L3MBTL4: variants seen among roughly 807,000 people sequenced by gnomAD.
The protein encoded by L3MBTL4 is lethal(3)malignant brain tumor-like protein 4.
In L3MBTL4, 70 loss-of-function variants were observed where a neutral mutation model predicts 84.5. The ratio of observed to expected loss-of-function variants is 0.83; its 90% CI spans 0.68 to 1.01. The LOEUF is 1.01. L3MBTL4 is among the 50% of genes least tolerant of loss of function. The pLI is 0.00. For missense variants in L3MBTL4, 715 were observed against 754.8 expected, an observed-to-expected ratio of 0.95 and a Z score of 0.62; for synonymous variants, 274 against 259.8, an observed-to-expected ratio of 1.05 and a Z score of -0.52.
intron 1 of L3MBTL4, among the ~76,000 whole-genome samples, chr18:6,319,176 T>C (rs2051275180): frequency 6.6e-6 from 1 of 152,052 alleles, no homozygotes; most frequent in South Asian, 2.1e-4. Context: ...TAAGAAAGTC[T>C]GAAAGTTCAC....
intron 14 of L3MBTL4, among the ~76,000 whole-genome samples, chr18:6,100,934 G>A (rs1368064229): frequency 1.3e-5 from 2 of 152,228 alleles, no homozygotes; most frequent in African/African-American, 4.8e-5. Context: ...GCTGGGGGCA[G>A]GCTGTAACCA....
chr18:6,048,230 T>C (rs1208072242), intron 16 of L3MBTL4, among the ~76,000 whole-genome samples: 2 of 152,134 alleles, frequency 1.3e-5, no homozygotes, highest in Non-Finnish European at 2.9e-5. Flanking sequence ...AAGGAAATCA[T>C]ACATGATATA....
chr18:6,028,581 T>C (rs1179243129), intron 16 of L3MBTL4, among the ~76,000 whole-genome samples: 3 of 152,204 alleles, frequency 2.0e-5, no homozygotes, highest in African/African-American at 7.2e-5. Context: ...AGAAAGTCAA[T>C]GGTAGCTTAA....
intron 14 of L3MBTL4, among the ~76,000 whole-genome samples, chr18:6,095,478 G>A (rs2058608382): frequency 6.6e-6 from 1 of 151,220 alleles, no homozygotes; most frequent in South Asian, 2.1e-4. Flanking sequence ...AGCCTCCCAA[G>A]TAGCTGGGAC....
chr18:6,073,161 C>CAG (rs371806337), intron 16 of L3MBTL4, among the ~76,000 whole-genome samples: 3 of 148,460 alleles, frequency 2.0e-5, no homozygotes, highest in African/African-American at 4.9e-5. Flanking sequence ...GAGGCAAAAA[C>CAG]AGAGAGAGAG....
At chr18:6,226,252 C>T (rs1425345034) in intron 10 of L3MBTL4, among the ~76,000 whole-genome samples, 1 of 151,804 alleles carries the variant, frequency 6.6e-6, no homozygotes, top group Middle Eastern at 3.4e-3. Flanking sequence ...ACTAAAAGTA[C>T]AAAAATAGCT....
intron 16 of L3MBTL4, among the ~76,000 whole-genome samples, chr18:6,014,664 T>TG (rs756077942): frequency 2.6e-5 from 4 of 151,556 alleles, no homozygotes; most frequent in African/African-American, 4.9e-5. Context: ...GAGCTCAGAG[T>TG]GGGGCAGGAA....
chr18:6,315,273 G>T (rs2146982268), intron 1 of L3MBTL4, among the ~76,000 whole-genome samples: 1 of 152,244 alleles, frequency 6.6e-6, no homozygotes, highest in East Asian at 1.9e-4. Flanking sequence ...GATACTGCCA[G>T]CCTAGAATTT....
chr18:6,330,428 C>T (rs557694550), intron 1 of L3MBTL4, among the ~76,000 whole-genome samples: 1 of 152,246 alleles, frequency 6.6e-6, no homozygotes, highest in Non-Finnish European at 1.5e-5. Flanking sequence ...TTCCTTGGCT[C>T]GTGACCCCTT....
chr18:6,011,791 C>T (rs1379250475), intron 16 of L3MBTL4, among the ~76,000 whole-genome samples: 1 of 152,144 alleles, frequency 6.6e-6, no homozygotes, highest in East Asian at 1.9e-4. Context: ...AGGACAGAGG[C>T]CTGTTTCCCC....
intron 14 of L3MBTL4, among the ~76,000 whole-genome samples, chr18:6,134,260 A>AAC (rs1357633594): frequency 6.6e-6 from 1 of 152,142 alleles, no homozygotes; most frequent in Admixed American, 6.5e-5. Flanking sequence ...TCCTTCCCAC[A>AAC]ACACTCGGGA....
At chr18:6,166,267 C>G (rs2043650599) in intron 13 of L3MBTL4, among the ~76,000 whole-genome samples, 1 of 152,118 alleles carries the variant, frequency 6.6e-6, no homozygotes, top group African/African-American at 2.4e-5. Flanking sequence ...TTAGACAGAT[C>G]AATGAGACAG....
chr18:6,246,093 T>C (rs2047654062), intron 5 of L3MBTL4, among the ~76,000 whole-genome samples: 1 of 152,232 alleles, frequency 6.6e-6, no homozygotes, highest in African/African-American at 2.4e-5. Context: ...TACATACTTG[T>C]AGGTCTTATT....
Position 5,960,122 on chromosome 18 carries a change from T to A in L3MBTL4, c.1649A>T (p.Glu550Val). The change falls in exon 18 of 19, where the codon GAA (glutamate) becomes GTA (valine). Residue 550 changes from glutamate to valine, a missense_variant. Glu to Val is a moderately radical substitution (Grantham distance 121). Coordinates refer to ENST00000317931, the MANE Select transcript of L3MBTL4 (RefSeq NM_001330559.2). Reference sequence around the variant, plus strand: ...TTTCTTAAAGCACTTGGCATGCTCTTCACAGCCCAGAAGAGACTGTACAAA... The same window carrying A: ...TTTCTTAAAGCACTTGGCATGCTCTACACAGCCCAGAAGAGACTGTACAAA... Reference protein sequence around the residue: ...AEFVQSLLGCEEHAKCFKKEQ... With the variant: ...AEFVQSLLGCVEHAKCFKKEQ... 6.3e-7 allele frequency: 1 copy of A among 1,583,538 alleles called. No homozygotes were observed. The highest frequency in any genetic ancestry group is 1.3e-5 in the African/African-American group (1 of 74,326).
chr18:6,019,563 T>C (rs1440640109), intron 16 of L3MBTL4, among the ~76,000 whole-genome samples: 1 of 152,246 alleles, frequency 6.6e-6, no homozygotes. Flanking sequence ...AAATAGCTAC[T>C]ATCTACTGAG....
chr18:6,242,466 C>T (rs969645632), intron 7 of L3MBTL4, among the ~76,000 whole-genome samples: 1 of 152,158 alleles, frequency 6.6e-6, no homozygotes, highest in Non-Finnish European at 1.5e-5. Context: ...GCCCTCAGTG[C>T]CTCACGTGGT....
intron 16 of L3MBTL4, among the ~76,000 whole-genome samples, chr18:6,003,085 A>AACC (rs1567971037): frequency 1.0e-4 from 10 of 98,204 alleles, no homozygotes; most frequent in Admixed American, 2.4e-4. Flanking sequence ...GATACTATAT[A>AACC]AAATATAGTA....
chr18:6,031,846 G>A lies in L3MBTL4; in HGVS notation c.1444+49035C>T, dbSNP rs2055818745. ...TTTTTTAATTTCACAGATTTAGCAGGCACAAGTACAGTTTTGTTACACAGA... is the reference window on the plus strand; with the variant it reads ...TTTTTTAATTTCACAGATTTAGCAGACACAAGTACAGTTTTGTTACACAGA... On this transcript the variant is annotated intron_variant, in intron 16 of 18. Coordinates refer to ENST00000317931, the MANE Select transcript of L3MBTL4 (RefSeq NM_001330559.2). 5 of 983,976 alleles carry A rather than the reference G, an allele frequency of 5.1e-6. No homozygotes were observed. The Admixed American group carries it at 2.5e-4, about 49-fold the overall frequency. 61.0% of individuals were successfully genotyped at this position (983,976 alleles called of 1,614,324 possible).
chr18:6,175,003 A>G (rs1245383835), intron 12 of L3MBTL4, among the ~76,000 whole-genome samples: 1 of 152,170 alleles, frequency 6.6e-6, no homozygotes, highest in Non-Finnish European at 1.5e-5. Context: ...TGGTCAAACA[A>G]AACCAACGCA....
Sources: gnomAD v4.1 joint callset for allele counts (sites outside exome capture counted in the v4.1 genomes callset) on GRCh38, gnomAD v4.1.1 for gene constraint, MANE v1.5 for transcripts, NCBI Gene and HGNC (gene_info 2026-07-23, HGNC 2026-07-21) for gene names.